The following CNKSR1 variants were observed in gnomAD, a reference collection of about 807,000 sequenced individuals.
CNKSR1 encodes connector enhancer of kinase suppressor of Ras 1, also known as CNK homolog protein 1.
A neutral mutation model predicts 95.6 loss-of-function variants in CNKSR1; 88 were observed. The observed-to-expected ratio is 0.92, with a 90% CI of 0.78 to 1.10. The LOEUF (loss-of-function observed/expected upper bound fraction) is 1.10, where lower values mean the gene tolerates loss of function less well. Among genes scored for constraint, CNKSR1 ranks in the 50% least tolerant of loss-of-function variants. The pLI is 0.00. For missense variants in CNKSR1, 836 were observed against 912.0 expected, an observed-to-expected ratio of 0.92 and a Z score of 1.07; for synonymous variants, 355 against 369.7, an observed-to-expected ratio of 0.96 and a Z score of 0.46.
In CNKSR1 at chr1:26,189,698, C is replaced by A; in HGVS notation, c.*150C>A. ...GTCTCACCCCGAGCTGACCCCTCTGCCTGGGCTTTGTGCCACCCTCTCCCT... is the reference window on the plus strand; with the variant it reads ...GTCTCACCCCGAGCTGACCCCTCTGACTGGGCTTTGTGCCACCCTCTCCCT... On this transcript the variant is annotated 3_prime_UTR_variant, in exon 21 of 21. Coordinates refer to ENST00000361530, the MANE Select transcript of CNKSR1 (RefSeq NM_006314.3). 1 of 751,578 alleles carries A rather than the reference C, an allele frequency of 1.3e-6. No homozygotes were observed. The highest frequency in any genetic ancestry group is 2.4e-6 in the Non-Finnish European group (1 of 410,038). 46.6% of individuals were successfully genotyped at this position (751,578 alleles called of 1,614,324 possible).
chr1:26,189,128 C>T (rs1355100700), intron 20 of CNKSR1, 151 bp from the exon 21 acceptor site: 15 of 1,263,874 alleles, frequency 1.2e-5, no homozygotes, highest in South Asian at 4.9e-5. Flanking sequence ...CTCTGGGTTC[C>T]GAGTGGGGAT....
chr1:26,184,048 C>A, intron 9 of CNKSR1, 23 bp from the exon 10 acceptor site: 1 of 1,576,844 alleles, frequency 6.3e-7, no homozygotes, highest in Non-Finnish European at 8.6e-7. Flanking sequence ...GTCTCCATTG[C>A]TTTGTTCCTG....
In CNKSR1 at chr1:26,188,716, G is replaced by A. The variant is rs766093702; in HGVS notation, c.1690+19G>A. The A allele has an allele frequency of 5.7e-5, 92 of 1,612,784 alleles. No homozygotes were observed. Among genetic ancestry groups the A allele is most frequent in the Middle Eastern group, 1.6e-4 (1 of 6,084 alleles). ...CTGACAGGTGCTGGGCTGGAGTTGGGAGCTGGGCTGGGGGCTGGGGTGGGC... is the reference window on the plus strand; with the variant it reads ...CTGACAGGTGCTGGGCTGGAGTTGGAAGCTGGGCTGGGGGCTGGGGTGGGC... On this transcript the variant is annotated intron_variant, in intron 19 of 20. Coordinates refer to ENST00000361530, the MANE Select transcript of CNKSR1 (RefSeq NM_006314.3).
rs530262613 is a variant in CNKSR1, at chr1:26,184,097, G to C, written c.882G>C (p.Pro294=). The change falls in exon 10 of 21, where the codon CCG becomes CCC. Residue 294 remains proline, a synonymous_variant. Transcript: ENST00000361530. ...CGCCCCCTCAGGTCCTGGACTCCCC[G>C]CACCAGAGGAGCCCATCACTGTCTC... is the stretch of plus-strand genomic sequence containing the variant. ...PQTPPQVLDS[P]HQRSPSLSLA... is the part of the protein sequence containing the mutation. 1 of 1,607,434 alleles carries C rather than the reference G, an allele frequency of 6.2e-7. No homozygotes were observed. The highest frequency in any genetic ancestry group is 1.7e-5 in the Admixed American group (1 of 59,220).
At chr1:26,182,211 A>T in intron 4 of CNKSR1, 150 bp from the exon 5 acceptor site, 1 of 824,240 alleles carries the variant, frequency 1.2e-6, no homozygotes, top group Non-Finnish European at 2.0e-6. Flanking sequence ...CCCTCTGGTT[A>T]AAACGCTGAG....
chr1:26,187,549 G>T, intron 16 of CNKSR1, 67 bp downstream of exon 16: 1 of 1,495,612 alleles, frequency 6.7e-7, no homozygotes, highest in Admixed American at 1.7e-5. Flanking sequence ...TGGGAGCCTA[G>T]GCTCAGGAGC....
At chr1:26,182,204 T>G (rs1055866243) in intron 4 of CNKSR1, 157 bp from the exon 5 acceptor site, 2 of 785,970 alleles carry the variant, frequency 2.5e-6, no homozygotes, top group African/African-American at 1.7e-5. Context: ...AAACGAGCCC[T>G]CTGGTTAAAA....
chr1:26,182,405 G>C lies in CNKSR1; in HGVS notation c.519+3G>C. On this transcript the variant is annotated splice_donor_region_variant and intron_variant, in intron 5 of 20. Coordinates refer to ENST00000361530, the MANE Select transcript of CNKSR1 (RefSeq NM_006314.3). ...AGGAGGGCACAGTCCTGAGGATCGT[G>C]AGTCTGTGGGGTGGGAAGAGAGTGG... 6.2e-7 allele frequency: 1 copy of C among 1,614,084 alleles called. No individual in the cohort carries two copies. Among genetic ancestry groups the C allele is most frequent in the Non-Finnish European group, 8.5e-7 (1 of 1,179,974 alleles).
At position 26,180,715 on chromosome 1, in the gene CNKSR1, A is replaced by C. The variant is rs775312735; in HGVS notation, c.211A>C (p.Ser71Arg). ...LGGVEQLQAL[S>R]SRLQTENLQS... ...GTGACTTGCCCTCTTTCTGGCACAG[A>C]GCTCCAGGCTACAGACAGAGAACCT... is the stretch of plus-strand genomic sequence containing the variant. The change falls in exon 3 of 21, where the codon AGC becomes CGC. Residue 71 changes from serine to arginine, a missense_variant and splice_region_variant. Coordinates refer to ENST00000361530, the MANE Select transcript of CNKSR1 (RefSeq NM_006314.3). The C allele has an allele frequency of 1.2e-5, 20 of 1,614,070 alleles. No individual in the cohort carries two copies. The South Asian group carries it at 2.2e-4, about 18-fold the overall frequency.
At chr1:26,178,044 A>T (rs969292648) in intron 1 of CNKSR1, among the ~76,000 whole-genome samples, 1 of 152,146 alleles carries the variant, frequency 6.6e-6, no homozygotes, top group Non-Finnish European at 1.5e-5. Flanking sequence ...AGCACCTAAC[A>T]TGTTCCAGGA....
intron 1 of CNKSR1, among the ~76,000 whole-genome samples, chr1:26,178,003 A>C (rs896435306): frequency 6.6e-6 from 1 of 152,152 alleles, no homozygotes; most frequent in Non-Finnish European, 1.5e-5. Flanking sequence ...GGGCTCTATC[A>C]GTCGGTCAGT....
Position 26,183,377 on chromosome 1 carries a change from C to A in CNKSR1, c.716C>A (p.Pro239His). ...VPTDSRLQIQ[P>H]GDEVVQINEQ... ...ACTGACTCCCGACTGCAGATCCAGC[C>A]TGGAGACGAGGTTGTCCAGATCAAC... is the stretch of plus-strand genomic sequence containing the variant. The change falls in exon 8 of 21, where the codon CCT (proline) becomes CAT (histidine). Residue 239 changes from proline (P) to histidine (H), a missense_variant. Transcript: ENST00000361530. 6.2e-7 allele frequency: 1 copy of A among 1,614,216 alleles called. No individual in the cohort carries two copies. The highest frequency in any genetic ancestry group is 1.1e-5 in the South Asian group (1 of 91,086).
intron 1 of CNKSR1, 133 bp downstream of exon 1, chr1:26,177,732 T>G (rs756638051): frequency 9.3e-5 from 98 of 1,049,362 alleles, no homozygotes; most frequent in Middle Eastern, 5.5e-4. Context: ...TCCCAGCACT[T>G]TGGGAAGCCA....
rs756374440 is a variant in CNKSR1, at chr1:26,184,618, A to T, written c.1135+6A>T. The T allele has an allele frequency of 6.3e-7, 1 of 1,598,912 alleles. No individual in the cohort carries two copies. The highest frequency in any genetic ancestry group is 1.1e-5 in the South Asian group (1 of 88,398). The stretch of plus-strand genomic sequence containing the variant: ...TGGTCGGAAGAAATCAAAAGGTATG[A>T]GGTGCGCTGGACTAGGTGGGGGTTC... On this transcript the variant is annotated splice_donor_region_variant and intron_variant, in intron 13 of 20. Coordinates refer to ENST00000361530, the MANE Select transcript of CNKSR1 (RefSeq NM_006314.3).
At position 26,188,485 on chromosome 1, in the gene CNKSR1, TG is replaced by T. The variant is rs1454943230; in HGVS notation, c.1575del (p.Ser526ProfsTer37). On this transcript the variant is annotated frameshift_variant, in exon 18 of 21. Transcript: ENST00000361530. LOFTEE classifies it high-confidence loss of function. ...AAGCAGAGGACCCGGACGATGAGGC[TG>T]GGTCCCACTCAGCCTCGGTGAGTGG... is the stretch of plus-strand genomic sequence containing the variant. ...TEAEDPDDEA[G>X]SHSASPSPAQ... 6.2e-7 allele frequency: 1 copy of T among 1,604,846 alleles called. No individual in the cohort carries two copies. The highest frequency in any genetic ancestry group is 1.7e-5 in the Admixed American group (1 of 58,170).
In CNKSR1 at chr1:26,186,399, C is replaced by T. The variant is rs763897077; in HGVS notation, c.1309-769C>T. On this transcript the variant is annotated intron_variant, in intron 14 of 20. Coordinates refer to ENST00000361530, the MANE Select transcript of CNKSR1 (RefSeq NM_006314.3). ...CACTACAGCCTCAGCCTCCCAGGTTCAAGCGATCCTCCTGCCTCAGCCTCC... is the reference window on the plus strand; with the variant it reads ...CACTACAGCCTCAGCCTCCCAGGTTTAAGCGATCCTCCTGCCTCAGCCTCC... Among the ~76,000 whole-genome samples the T allele has an allele frequency of 5.3e-5, 8 of 152,166 alleles. No individual in the cohort carries two copies. The East Asian group carries it at 5.8e-4, about 11-fold the overall frequency.
At position 26,177,496 on chromosome 1, in the gene CNKSR1, C is replaced by T. The variant is rs2088579752; in HGVS notation, c.-52C>T. 1.2e-6 allele frequency: 2 copies of T among 1,610,050 alleles called. No individual in the cohort carries two copies. Among genetic ancestry groups the T allele is most frequent in the African/African-American group, 2.7e-5 (2 of 74,896 alleles). On this transcript the variant is annotated 5_prime_UTR_variant, in exon 1 of 21. Transcript: ENST00000361530. ...GGCCTGGGCTCTGGGAGCGGAAATT[C>T]CGGCGACAGCAGGGCAAAACAGGAG...
intron 14 of CNKSR1, 50 bp from the exon 15 acceptor site, chr1:26,187,118 C>CT (rs2088769669): frequency 5.5e-6 from 8 of 1,467,248 alleles, no homozygotes; most frequent in Non-Finnish European, 7.6e-6. Flanking sequence ...CTGACTGGGC[C>CT]TTGAGGGTAT....
At position 26,187,252 on chromosome 1, in the gene CNKSR1, G is replaced by A. The variant is rs372021868; in HGVS notation, c.1382+11G>A. On this transcript the variant is annotated intron_variant, in intron 15 of 20. Coordinates refer to ENST00000361530, the MANE Select transcript of CNKSR1 (RefSeq NM_006314.3). ...TCAGAAGAAGAAATAGTTAAGTCTT[G>A]GGGTGTGATGGGCTGGGGGATGGAG... The A allele has an allele frequency of 1.2e-5, 19 of 1,609,120 alleles. No homozygotes were observed. Among genetic ancestry groups the A allele is most frequent in the Non-Finnish European group, 1.4e-5 (17 of 1,175,546 alleles).
Sources: allele counts gnomAD v4.1 joint callset (sites outside exome capture counted in the v4.1 genomes callset), GRCh38; gene constraint gnomAD v4.1.1; transcripts MANE v1.5; gene names NCBI Gene and HGNC (gene_info 2026-07-23, HGNC 2026-07-21).